Variants in ARHGEF19 observed in about 807,000 individuals in gnomAD.
ARHGEF19 encodes the protein Rho guanine nucleotide exchange factor (GEF) 19.
ARHGEF19 carries 92 observed loss-of-function variants against 87.6 expected under a neutral mutation model. The ratio of observed to expected loss-of-function variants is 1.05; its 90% CI spans 0.89 to 1.25. The LOEUF is 1.25. Ranked by LOEUF, ARHGEF19 falls within the 50% of genes most tolerant of loss-of-function variation. The probability of loss-of-function intolerance (pLI) is 0.00; values close to 1 mark genes in which losing one functional copy is unlikely to be tolerated. For missense variants in ARHGEF19, 1,054 were observed against 1,051.8 expected, an observed-to-expected ratio of 1.00 and a Z score of -0.03; for synonymous variants, 438 against 446.2, an observed-to-expected ratio of 0.98 and a Z score of 0.23.
chr1:16,199,110 C>A lies in ARHGEF19; in HGVS notation c.2251+40G>T, dbSNP rs1352086040. The A allele has an allele frequency of 5.0e-6, 8 of 1,602,742 alleles. No homozygotes were observed. The Admixed American group carries it at 6.7e-5, about 13-fold the overall frequency. On this transcript the variant is annotated intron_variant, in intron 15 of 15. Transcript: ENST00000270747. ...GTCATCTAGCCACCTCCTGCCCACC[C>A]AAGCCCCATCAGGGACACTTTCCCA...
intron 1 of ARHGEF19, among the ~76,000 whole-genome samples, chr1:16,210,283 G>A (rs1054025673): frequency 6.6e-6 from 1 of 152,190 alleles, no homozygotes; most frequent in Non-Finnish European, 1.5e-5. Flanking sequence ...CAGGGAGGGA[G>A]GGAGGGAGCA....
In ARHGEF19 at chr1:16,207,641, TGTCTCG is replaced by T. The variant is rs1324511370; in HGVS notation, c.797+28_797+33del. On this transcript the variant is annotated intron_variant, in intron 4 of 15. Transcript: ENST00000270747. This position sits in a 1 kb window ranked among gnomAD's most constrained non-coding sequence, Gnocchi z 4.0. ...TCACGGCCCTAGTTCGCCTGCACCCTGTCTCGGACCCAAGCCCAAACGGGAGGTGGT... is the reference window on the plus strand; with the variant it reads ...TCACGGCCCTAGTTCGCCTGCACCCTGACCCAAGCCCAAACGGGAGGTGGT... 3 of 1,613,902 alleles carry T rather than the reference TGTCTCG, an allele frequency of 1.9e-6. No individual in the cohort carries two copies. The African/African-American group carries it at 4.0e-5, about 22-fold the overall frequency.
chr1:16,207,277 T>TC lies in ARHGEF19; in HGVS notation c.875-68dup. 6.9e-7 allele frequency: 1 copy of TC among 1,456,222 alleles called. No homozygotes were observed. Among genetic ancestry groups the TC allele is most frequent in the East Asian group, 2.6e-5 (1 of 38,742 alleles). 90.2% of individuals were successfully genotyped at this position (1,456,222 alleles called of 1,614,324 possible). ...AGCCCCTGCCCGGCTTTTCCTCGGTTCCCTCAAGAGCCCGCGTCACTTAAC... is the reference window on the plus strand; with the variant it reads ...AGCCCCTGCCCGGCTTTTCCTCGGTTCCCCTCAAGAGCCCGCGTCACTTAAC... On this transcript the variant is annotated intron_variant, in intron 5 of 15. Coordinates refer to ENST00000270747, the MANE Select transcript of ARHGEF19 (RefSeq NM_153213.5). The surrounding 1 kb of genome is among the most constrained non-coding windows in gnomAD (Gnocchi z 4.0).
Position 16,198,489 on chromosome 1 carries a change from G to T in ARHGEF19, c.*98C>A. 1 of 1,424,378 alleles carries T rather than the reference G, an allele frequency of 7.0e-7. No homozygotes were observed. Among genetic ancestry groups the T allele is most frequent in the Middle Eastern group, 2.4e-4 (1 of 4,178 alleles). 88.2% of individuals were successfully genotyped at this position (1,424,378 alleles called of 1,614,324 possible). ...AATGCCAAGGCCACAGAAGCGAAGT[G>T]CCAGCAGGAGCAGCTTGGGGAATGG... On this transcript the variant is annotated 3_prime_UTR_variant, in exon 16 of 16. Transcript: ENST00000270747. The surrounding 1 kb of genome is among the most constrained non-coding windows in gnomAD (Gnocchi z 4.1).
chr1:16,207,029 G>A lies in ARHGEF19; in HGVS notation c.1056C>T (p.Phe352=). 6.6e-7 allele frequency: 1 copy of A among 1,516,134 alleles called. No individual in the cohort carries two copies. 93.9% of individuals were successfully genotyped at this position (1,516,134 alleles called of 1,614,324 possible). Residue 352 remains phenylalanine, a synonymous_variant, in exon 6 of 16, where the codon TTC becomes TTT. Transcript: ENST00000270747. This position sits in a 1 kb window ranked among gnomAD's most constrained non-coding sequence, Gnocchi z 4.0. The part of the protein sequence containing the change: ...RAQRSARGST[F]SLWQDIPDVR... ...CGTCGGGGATATCCTGCCACAGCGA[G>A]AAGGTGGAGCCTCGCGCCGAGCGCT... is the stretch of plus-strand genomic sequence containing the variant.
intron 1 of ARHGEF19, among the ~76,000 whole-genome samples, chr1:16,209,978 C>T (rs565207497): frequency 6.6e-6 from 1 of 152,254 alleles, no homozygotes; most frequent in South Asian, 2.1e-4. Flanking sequence ...CCCCAGCTTC[C>T]AGCCCCTGGG....
chr1:16,207,508 C>T lies in ARHGEF19; in HGVS notation c.874+14G>A, dbSNP rs1397504506. ...CCTCCGTTACCTCCTCCCAGGGACC[C>T]CCCTCCCACGTACAGTTAAGGAGGA... On this transcript the variant is annotated intron_variant, in intron 5 of 15. Coordinates refer to ENST00000270747, the MANE Select transcript of ARHGEF19 (RefSeq NM_153213.5). This position sits in a 1 kb window ranked among gnomAD's most constrained non-coding sequence, Gnocchi z 4.0. 5 of 1,613,504 alleles carry T rather than the reference C, an allele frequency of 3.1e-6. No homozygotes were observed. Among genetic ancestry groups the T allele is most frequent in the Non-Finnish European group, 4.2e-6 (5 of 1,179,622 alleles).
rs1391353411 is a variant in ARHGEF19, at chr1:16,208,947, C to T, written c.108G>A (p.Glu36=). 1.3e-6 allele frequency: 2 copies of T among 1,576,782 alleles called. No individual in the cohort carries two copies. The highest frequency in any genetic ancestry group is 1.9e-5 in the Admixed American group (1 of 51,326). ...GGCTCGGGGGCTTCAGGGCGGGCAG[C>T]TCTGCAAAGGACAGACTCTCCTGCT... ...VCQQESLSFA[E]LPALKPPSPV... Residue 36 remains glutamate, a synonymous_variant, in exon 2 of 16, where the codon GAG becomes GAA. Transcript: ENST00000270747.
At position 16,207,605 on chromosome 1, in the gene ARHGEF19, AAGAG is replaced by A. The variant is rs762082747; in HGVS notation, c.798-11_798-8del. 1.9e-6 allele frequency: 3 copies of A among 1,613,966 alleles called. No homozygotes were observed. The East Asian group carries it at 6.7e-5, about 36-fold the overall frequency. ...CTCTTCCTGTGTGTCTAGCCTAGGA[AAGAG>A]AGAGCGTCACGGCCCTAGTTCGCCT... On this transcript the variant is annotated splice_polypyrimidine_tract_variant and splice_region_variant and intron_variant, in intron 4 of 15. Coordinates refer to ENST00000270747, the MANE Select transcript of ARHGEF19 (RefSeq NM_153213.5). This position sits in a 1 kb window ranked among gnomAD's most constrained non-coding sequence, Gnocchi z 4.0.
In ARHGEF19 at chr1:16,199,194, A is replaced by G; in HGVS notation, c.2207T>C (p.Leu736Ser). ...YKALHPDELT[L>S]EKTDILSVRT... Reference sequence around the variant, plus strand: ...CACTGACAGGATGTCAGTCTTCTCCAAGGTCAGCTCATCTGGGTGCAGTGC... The same window carrying G: ...CACTGACAGGATGTCAGTCTTCTCCGAGGTCAGCTCATCTGGGTGCAGTGC... Residue 736 changes from leucine (L) to serine (S), a missense_variant, in exon 15 of 16, where the codon TTG (leucine) becomes TCG (serine). Coordinates refer to ENST00000270747, the MANE Select transcript of ARHGEF19 (RefSeq NM_153213.5). The G allele has an allele frequency of 6.2e-7, 1 of 1,614,018 alleles. No homozygotes were observed. The highest frequency in any genetic ancestry group is 8.5e-7 in the Non-Finnish European group (1 of 1,179,946).
Position 16,205,746 on chromosome 1 carries a change from C to T in ARHGEF19, c.1452-79G>A, listed in dbSNP as rs2081125553. The T allele has an allele frequency of 2.0e-6, 3 of 1,520,744 alleles. No individual in the cohort carries two copies. The highest frequency in any genetic ancestry group is 2.2e-5 in the Admixed American group (1 of 44,686). The allele number at this position is 1,520,744 out of a possible 1,614,324, so 94.2% of individuals were successfully genotyped here. Reference sequence around the variant, plus strand: ...CACAACCCTGGCCATCCACGGGGTCCTCAGGGGGCTTCTCAGCACATCCTT... The same window carrying T: ...CACAACCCTGGCCATCCACGGGGTCTTCAGGGGGCTTCTCAGCACATCCTT... On this transcript the variant is annotated intron_variant, in intron 8 of 15. Coordinates refer to ENST00000270747, the MANE Select transcript of ARHGEF19 (RefSeq NM_153213.5). This position sits in a 1 kb window ranked among gnomAD's most constrained non-coding sequence, Gnocchi z 5.8.
In ARHGEF19 at chr1:16,207,831, GGGCCCCGGCCCAGGCACCCTGAC is replaced by G; in HGVS notation, c.695-77_695-55del. The G allele has an allele frequency of 6.3e-7, 1 of 1,597,018 alleles. No homozygotes were observed. The highest frequency in any genetic ancestry group is 8.5e-7 in the Non-Finnish European group (1 of 1,172,488). On this transcript the variant is annotated intron_variant, in intron 3 of 15. Coordinates refer to ENST00000270747, the MANE Select transcript of ARHGEF19 (RefSeq NM_153213.5). This position sits in a 1 kb window ranked among gnomAD's most constrained non-coding sequence, Gnocchi z 4.0. ...GGTCCAGAGAGTGGGCCTGGGGCCT[GGGCCCCGGCCCAGGCACCCTGAC>G]GGCCTCAGGCGGCCGGTGAGTGGGC... is the stretch of plus-strand genomic sequence containing the variant.
At chr1:16,199,335 T>A in intron 14 of ARHGEF19, 81 bp from the exon 15 acceptor site, 2 of 1,169,074 alleles carry the variant, frequency 1.7e-6, no homozygotes, top group Non-Finnish European at 2.6e-6. Context: ...GGAGGGGCAG[T>A]AGGAGGAAGT....
At position 16,200,011 on chromosome 1, in the gene ARHGEF19, C is replaced by T. The variant is rs1416463835; in HGVS notation, c.2147-757G>A. Among the ~76,000 whole-genome samples, 5 of 152,326 alleles carry T rather than the reference C, an allele frequency of 3.3e-5. No individual in the cohort carries two copies. The East Asian group carries it at 9.7e-4, about 29-fold the overall frequency. ...CTTCCCCAGATCTTTTCGTGACAAC[C>T]TCTCCTCATCCTTCAGGGGTCAGAT... is the stretch of plus-strand genomic sequence containing the variant. On this transcript the variant is annotated intron_variant, in intron 14 of 15. Coordinates refer to ENST00000270747, the MANE Select transcript of ARHGEF19 (RefSeq NM_153213.5).
In ARHGEF19 at chr1:16,205,821, T is replaced by C; in HGVS notation, c.1451+110A>G. On this transcript the variant is annotated intron_variant, in intron 8 of 15. Transcript: ENST00000270747. This position sits in a 1 kb window ranked among gnomAD's most constrained non-coding sequence, Gnocchi z 5.8. Reference sequence around the variant, plus strand: ...CCTTATCCTGGTCACAGAGACCTTTTCAGGGACCCCTCCCCTCCCAGAGTC... The same window carrying C: ...CCTTATCCTGGTCACAGAGACCTTTCCAGGGACCCCTCCCCTCCCAGAGTC... 4 of 1,495,846 alleles carry C rather than the reference T, an allele frequency of 2.7e-6. No individual in the cohort carries two copies. The highest frequency in any genetic ancestry group is 3.6e-6 in the Non-Finnish European group (4 of 1,116,512). The allele number at this position is 1,495,846 out of a possible 1,614,324, so 92.7% of individuals were successfully genotyped here. A position where few individuals can be genotyped will look rare whatever the true frequency, so the allele number is the denominator to read the frequency against.
At position 16,208,238 on chromosome 1, in the gene ARHGEF19, G is replaced by C. The variant is rs181079442; in HGVS notation, c.413-13C>G. 432 of 1,608,434 alleles carry C rather than the reference G, an allele frequency of 2.7e-4. 1 individual carries two copies. In the African/African-American group the frequency reaches 5.2e-3, roughly 19 times the overall value. ...CGCATCTTGCGCCCTAGGGTTGGGGGCAAGGAGTGAGAGCACGGGCTGGGG... is the reference window on the plus strand; with the variant it reads ...CGCATCTTGCGCCCTAGGGTTGGGGCCAAGGAGTGAGAGCACGGGCTGGGG... On this transcript the variant is annotated splice_polypyrimidine_tract_variant and intron_variant, in intron 2 of 15. Coordinates refer to ENST00000270747, the MANE Select transcript of ARHGEF19 (RefSeq NM_153213.5).
chr1:16,207,944 C>T lies in ARHGEF19; in HGVS notation c.694G>A (p.Gly232Arg), dbSNP rs773562779. The change falls in exon 3 of 16, where the codon GGG (glycine) becomes AGG (arginine). Residue 232 changes from glycine to arginine, a missense_variant and splice_region_variant. Transcript: ENST00000270747. This position sits in a 1 kb window ranked among gnomAD's most constrained non-coding sequence, Gnocchi z 4.0. ...SGSGTGAARE[G>R]KASGMEARSV... ...CAGGGCCCATGGGAGGAGCTGGTAC[C>T]TTCCCGGGCTGCTCCGGTGCCTGAC... The T allele has an allele frequency of 1.9e-6, 3 of 1,606,922 alleles. No homozygotes were observed. The East Asian group carries it at 6.7e-5, about 36-fold the overall frequency.
rs1278288354 is a variant in ARHGEF19 at position 16,207,072 on chromosome 1, C to A, written c.1013G>T (p.Ser338Ile). Residue 338 changes from serine (S) to isoleucine (I), a missense_variant, in exon 6 of 16, where the codon AGC (serine) becomes ATC (isoleucine). Ser to Ile is a moderately radical substitution (Grantham distance 142). Coordinates refer to ENST00000270747, the MANE Select transcript of ARHGEF19 (RefSeq NM_153213.5). This position sits in a 1 kb window ranked among gnomAD's most constrained non-coding sequence, Gnocchi z 4.0. ...PGPPRANLSP[S>I]SSFRAQRSAR... is the part of the protein sequence containing the mutation. Reference sequence around the variant, plus strand: ...CGAGCGCTGCGCCCGGAAGGAGCTGCTGGGGGAGAGGTTGGCCCGCGGCGG... The same window carrying A: ...CGAGCGCTGCGCCCGGAAGGAGCTGATGGGGGAGAGGTTGGCCCGCGGCGG... 9.9e-6 allele frequency: 15 copies of A among 1,510,020 alleles called. No homozygotes were observed. Among genetic ancestry groups the A allele is most frequent in the Admixed American group, 2.2e-5 (1 of 45,820 alleles). 93.5% of individuals were successfully genotyped at this position (1,510,020 alleles called of 1,614,324 possible). A position where few individuals can be genotyped will look rare whatever the true frequency, so the allele number is the denominator to read the frequency against.
In ARHGEF19 at chr1:16,205,361, G is replaced by A. The variant is rs751065816; in HGVS notation, c.1646C>T (p.Ala549Val). Reference sequence around the variant, plus strand: ...CCCTGCCCAGCTCACCTCCTTGAGCGCATTGAAGGCCTTGGTGGCCATGTC... The same window carrying A: ...CCCTGCCCAGCTCACCTCCTTGAGCACATTGAAGGCCTTGGTGGCCATGTC... ...DEDMATKAFN[A>V]LKELVQECNA... Residue 549 changes from alanine to valine, a missense_variant, in exon 10 of 16, where the codon GCG becomes GTG. By Grantham distance (64) the Ala-to-Val change is moderately conservative. Coordinates refer to ENST00000270747, the MANE Select transcript of ARHGEF19 (RefSeq NM_153213.5). This position sits in a 1 kb window ranked among gnomAD's most constrained non-coding sequence, Gnocchi z 5.8. The A allele has an allele frequency of 2.7e-5, 44 of 1,613,638 alleles. No homozygotes were observed. Among genetic ancestry groups the A allele is most frequent in the South Asian group, 9.9e-5 (9 of 91,064 alleles).
Sources: allele counts gnomAD v4.1 joint callset (sites outside exome capture counted in the v4.1 genomes callset), GRCh38; gene constraint gnomAD v4.1.1; non-coding constraint Gnocchi (gnomAD v3.1); transcripts MANE v1.5; gene names NCBI Gene and HGNC (gene_info 2026-07-23, HGNC 2026-07-21).